Variants in NOL4 observed in about 807,000 individuals in gnomAD.
NOL4 encodes cancer/testis antigen 125.
In NOL4, 17 loss-of-function variants were observed where a neutral mutation model predicts 75.9. The ratio of observed to expected loss-of-function variants is 0.22; its 90% CI spans 0.15 to 0.34. The LOEUF is 0.34. Ranked by LOEUF, NOL4 falls within the 10% of genes least tolerant of loss-of-function variation. The pLI is 1.00. For synonymous variants in NOL4, 292 were observed against 289.9 expected, an observed-to-expected ratio of 1.01 and a Z score of -0.07; for missense variants, 614 against 793.5, an observed-to-expected ratio of 0.77 and a Z score of 2.72.
At chr18:34,219,182 C>A (rs935208899) in intron 1 of NOL4, among the ~76,000 whole-genome samples, 2 of 152,030 alleles carry the variant, frequency 1.3e-5, no homozygotes, top group African/African-American at 4.8e-5. Context: ...TCATTTAAGA[C>A]CTGTATTGGA....
chr18:33,911,312 C>T (rs983558348), intron 9 of NOL4, among the ~76,000 whole-genome samples: 4 of 152,036 alleles, frequency 2.6e-5, no homozygotes, highest in Non-Finnish European at 5.9e-5. Flanking sequence ...AATGTTCTCT[C>T]TCTCTTTTTG....
chr18:33,896,182 C>T (rs1168754393), intron 9 of NOL4, among the ~76,000 whole-genome samples: 1 of 152,116 alleles, frequency 6.6e-6, no homozygotes, highest in African/African-American at 2.4e-5. Context: ...ACTTCTCATG[C>T]TCATGAATAG....
chr18:34,012,341 C>A (rs990814008), intron 6 of NOL4, among the ~76,000 whole-genome samples: 2 of 151,626 alleles, frequency 1.3e-5, no homozygotes, highest in Non-Finnish European at 2.9e-5. Flanking sequence ...ATTTAGATTG[C>A]AATATGACAT....
intron 6 of NOL4, among the ~76,000 whole-genome samples, chr18:33,974,867 C>T (rs1204015709): frequency 6.6e-6 from 1 of 152,094 alleles, no homozygotes; most frequent in Non-Finnish European, 1.5e-5. Context: ...ATTTGCATAC[C>T]CATATCCATG....
At chr18:33,856,607 G>A (rs1280808412) in intron 10 of NOL4, among the ~76,000 whole-genome samples, 1 of 151,982 alleles carries the variant, frequency 6.6e-6, no homozygotes, top group Non-Finnish European at 1.5e-5. Context: ...ACTATGAAAT[G>A]TCTGGATAAC....
intron 6 of NOL4, among the ~76,000 whole-genome samples, chr18:33,993,840 C>T (rs1051117175): frequency 5.3e-5 from 8 of 151,442 alleles, no homozygotes; most frequent in Middle Eastern, 3.4e-3. Flanking sequence ...AAGGGATTAA[C>T]AGTAGATTTG....
chr18:34,180,854 C>G (rs1416659777), intron 1 of NOL4, among the ~76,000 whole-genome samples: 5 of 150,848 alleles, frequency 3.3e-5, no homozygotes, highest in African/African-American at 9.7e-5. Context: ...ATAAAATAGG[C>G]AAAAATAAAT....
At chr18:33,947,479 T>C (rs2068919119) in intron 8 of NOL4, among the ~76,000 whole-genome samples, 1 of 151,744 alleles carries the variant, frequency 6.6e-6, no homozygotes, top group Non-Finnish European at 1.5e-5. Flanking sequence ...AAAAACCAAA[T>C]GCAATAAATT....
At chr18:33,860,211 A>G (rs920990726) in intron 10 of NOL4, among the ~76,000 whole-genome samples, 32 of 152,002 alleles carry the variant, frequency 2.1e-4, no homozygotes, top group African/African-American at 6.5e-4. Context: ...CCCTCCCAAA[A>G]CACATGGGGA....
rs557802498 is a variant in NOL4, at chr18:34,188,448, A to G, written c.264+34542T>C. 3.3e-5 allele frequency among the ~76,000 whole-genome samples: 5 copies of G among 152,334 alleles called. No individual in the cohort carries two copies. In the South Asian group the frequency reaches 8.3e-4, roughly 25 times the overall value. ...AATAAACCCATTGTAAGTTGAAAAT[A>G]TTATAGCAGACAATACAGTATTTAA... is the stretch of plus-strand genomic sequence containing the variant. On this transcript the variant is annotated intron_variant, in intron 1 of 10. Coordinates refer to ENST00000261592, the MANE Select transcript of NOL4 (RefSeq NM_003787.5).
rs115657151 is a variant in NOL4 at position 34,015,784 on chromosome 18, C to G, written c.1056+3534G>C. 8.3e-3 allele frequency among the ~76,000 whole-genome samples: 1,269 copies of G among 152,170 alleles called. 16 individuals carry two copies. Among genetic ancestry groups the G allele is most frequent in the African/African-American group, 0.029 (1,191 of 41,526 alleles). ...CACTGCATGTGCACCGTAAACTACA[C>G]GTCAAAACCTGCTTCTTCAAATGTT... On this transcript the variant is annotated intron_variant, in intron 6 of 10. Transcript: ENST00000261592.
At chr18:33,916,799 C>A (rs939680536) in intron 9 of NOL4, among the ~76,000 whole-genome samples, 1 of 152,128 alleles carries the variant, frequency 6.6e-6, no homozygotes, top group Non-Finnish European at 1.5e-5. Flanking sequence ...TATAGGCAAA[C>A]ATTCAAACTT....
chr18:34,049,074 G>GCA (rs1163959249), intron 5 of NOL4, among the ~76,000 whole-genome samples: 1,064 of 64,772 alleles, frequency 0.016, 7 homozygotes, highest in Non-Finnish European at 0.023. Context: ...ACAGGCGCGC[G>GCA]CACACACACA....
chr18:33,872,597 G>A (rs187546120), intron 10 of NOL4, among the ~76,000 whole-genome samples: 3 of 152,092 alleles, frequency 2.0e-5, no homozygotes, highest in Admixed American at 1.3e-4. Flanking sequence ...GGTGAGAAGA[G>A]TTGAGTTTGG....
At chr18:34,137,198 G>A (rs1394058499) in intron 1 of NOL4, among the ~76,000 whole-genome samples, 2 of 152,064 alleles carry the variant, frequency 1.3e-5, no homozygotes. Flanking sequence ...TTTGTACAAG[G>A]TTACACAGAA....
At chr18:33,913,878 G>A (rs1294407153) in intron 9 of NOL4, among the ~76,000 whole-genome samples, 1 of 152,070 alleles carries the variant, frequency 6.6e-6, no homozygotes, top group Non-Finnish European at 1.5e-5. Flanking sequence ...CACATGAATA[G>A]GAGGTTTTTA....
At chr18:34,217,577 G>A (rs570748155) in intron 1 of NOL4, among the ~76,000 whole-genome samples, 31 of 152,104 alleles carry the variant, frequency 2.0e-4, no homozygotes, top group Non-Finnish European at 3.5e-4. Context: ...ATGAGCCACC[G>A]CGCTTGACCT....
At chr18:34,171,346 G>A (rs879751572) in intron 1 of NOL4, among the ~76,000 whole-genome samples, 1 of 152,062 alleles carries the variant, frequency 6.6e-6, no homozygotes, top group Admixed American at 6.6e-5. Flanking sequence ...AGTACACTTT[G>A]TATAACCATT....
intron 1 of NOL4, among the ~76,000 whole-genome samples, chr18:34,209,882 C>T (rs2146549863): frequency 6.6e-6 from 1 of 152,122 alleles, no homozygotes; most frequent in Middle Eastern, 3.4e-3. Flanking sequence ...TAAATATTTT[C>T]CTCAATAATA....
Sources: allele counts gnomAD v4.1 joint callset (sites outside exome capture counted in the v4.1 genomes callset), GRCh38; gene constraint gnomAD v4.1.1; transcripts MANE v1.5; gene names NCBI Gene and HGNC (gene_info 2026-07-23, HGNC 2026-07-21).